ACIN1: variants seen among roughly 807,000 people sequenced by gnomAD.
ACIN1 encodes the protein apoptotic chromatin condensation inducer 1.
Under a neutral mutation model 146.6 loss-of-function variants are expected in ACIN1, and 16 were observed. The observed-to-expected ratio is 0.11, with a 90% CI of 0.07 to 0.17. The LOEUF (loss-of-function observed/expected upper bound fraction) is 0.17, where lower values mean the gene tolerates loss of function less well. ACIN1 is among the 10% of genes least tolerant of loss of function. The pLI, the probability that ACIN1 is intolerant of heterozygous loss-of-function variation, is 1.00. For synonymous variants in ACIN1, 569 were observed against 582.7 expected (o/e 0.98, Z 0.34); for missense variants, 1,357 against 1,609.3 (o/e 0.84, Z 2.68).
At chr14:23,060,721 G>C (rs1395999187) in intron 18 of ACIN1, among the ~76,000 whole-genome samples, 1 of 152,074 alleles carries the variant, frequency 6.6e-6, no homozygotes, top group African/African-American at 2.4e-5. Context: ...ATGTTGGCCA[G>C]ACTGGTCTGC....
At chr14:23,077,098 G>C (rs1177906828) in intron 8 of ACIN1, among the ~76,000 whole-genome samples, 1 of 152,132 alleles carries the variant, frequency 6.6e-6, no homozygotes, top group South Asian at 2.1e-4. Context: ...ATACCCCCAG[G>C]TAAAAGCTAT....
In ACIN1 at chr14:23,061,524, C is replaced by T. The variant is rs140303626; in HGVS notation, c.3198G>A (p.Pro1066=). The T allele has an allele frequency of 1.9e-3, 376 of 193,174 alleles. 2 individuals are homozygous for T. The African/African-American group carries it at 0.035, about 18-fold the overall frequency. 12.0% of individuals were successfully genotyped at this position (193,174 alleles called of 1,614,324 possible). A position where few individuals can be genotyped will look rare whatever the true frequency, so the allele number is the denominator to read the frequency against. The change falls in exon 17 of 19, where the codon CCG becomes CCA. Residue 1066 remains proline (P), a synonymous_variant. Transcript: ENST00000605057. ...PRPLHPPPPP[P]VQPPQHPRAE... ...CCCGGGGGTGCTGTGGTGGCTGGAC[C>T]GGGGGTGGGGGTGGGGGGTGCAGGG...
Position 23,064,479 on chromosome 14 carries a change from T to C in ACIN1, c.2318A>G (p.Lys773Arg), listed in dbSNP as rs759363375. The C allele has an allele frequency of 1.2e-6, 2 of 1,614,180 alleles. No individual in the cohort carries two copies. Among genetic ancestry groups the C allele is most frequent in the Non-Finnish European group, 1.7e-6 (2 of 1,180,006 alleles). Residue 773 changes from lysine (K) to arginine (R), a missense_variant, in exon 11 of 19, where the codon AAG (lysine) becomes AGG (arginine). Transcript: ENST00000605057. ...GTCACTGTTTCCAGCTGGCACCCCC[T>C]TGGTAGCTGCTGTCCCCAAGAAATA... ...KRKISVVSAT[K>R]GVPAGNSDTE...
At chr14:23,065,794 T>C (rs996198088) in intron 10 of ACIN1, among the ~76,000 whole-genome samples, 172 bp downstream of exon 10, 2 of 152,204 alleles carry the variant, frequency 1.3e-5, no homozygotes, top group African/African-American at 4.8e-5. Flanking sequence ...TCTCAAGTTT[T>C]GAATTCCAAA....
chr14:23,059,815 G>T (rs536269343), intron 18 of ACIN1, among the ~76,000 whole-genome samples: 1 of 151,332 alleles, frequency 6.6e-6, no homozygotes, highest in Non-Finnish European at 1.5e-5. Flanking sequence ...GACCACGCCC[G>T]GCTAATTTTT....
At chr14:23,086,626 C>T (rs187532750) in intron 4 of ACIN1, among the ~76,000 whole-genome samples, 4 of 152,212 alleles carry the variant, frequency 2.6e-5, no homozygotes, top group Non-Finnish European at 5.9e-5. Context: ...GCTGGGACTA[C>T]AGGCATGTGC....
upstream of ACIN1, chr14:23,095,553 C>G: frequency 2.1e-6 from 1 of 479,978 alleles, no homozygotes; most frequent in East Asian, 3.5e-5. Context: ...AATTTGGAAG[C>G]TGCCGCAGTA....
chr14:23,067,145 A>T lies in ACIN1; in HGVS notation c.2266-1137T>A, dbSNP rs551905813. On this transcript the variant is annotated intron_variant, in intron 9 of 18. Coordinates refer to ENST00000605057, the MANE Select transcript of ACIN1 (RefSeq NM_001386863.1). The surrounding 1 kb of genome is among the most constrained non-coding windows in gnomAD (Gnocchi z 4.6). ...GTTAGTGAGAAAAACAAAACAAAAA[A>T]AAAGGTCTTAATTAAAACAGGAAAA... Among the ~76,000 whole-genome samples, 1 of 152,086 alleles carries T rather than the reference A, an allele frequency of 6.6e-6. No individual in the cohort carries two copies. The highest frequency in any genetic ancestry group is 2.4e-5 in the African/African-American group (1 of 41,408).
intron 13 of ACIN1, 29 bp downstream of exon 13, chr14:23,063,407 T>C (rs761232298): frequency 5.6e-5 from 90 of 1,606,664 alleles, no homozygotes; most frequent in Non-Finnish European, 6.1e-5. Flanking sequence ...GGGAGCCGCA[T>C]TACATTTCTC....
intron 8 of ACIN1, among the ~76,000 whole-genome samples, chr14:23,070,597 T>C (rs1164997801): frequency 6.6e-6 from 1 of 152,142 alleles, no homozygotes; most frequent in South Asian, 2.1e-4. Flanking sequence ...CTTTGATTTC[T>C]GTCTTCGTCC....
At chr14:23,095,520 G>GCA (rs1407141138), upstream of ACIN1, 1 of 560,178 alleles carries the variant, frequency 1.8e-6, no homozygotes, top group Non-Finnish European at 3.1e-6. Context: ...CTGCCGGGCT[G>GCA]GCCCAGCTTA....
Position 23,061,065 on chromosome 14 carries a change from C to T in ACIN1, c.3525+19G>A, listed in dbSNP as rs749143183. 1.9e-6 allele frequency: 3 copies of T among 1,611,546 alleles called. No individual in the cohort carries two copies. Among genetic ancestry groups the T allele is most frequent in the Admixed American group, 1.7e-5 (1 of 60,014 alleles). ...GCCTCAGTGCCACTAGGGAGCAGGG[C>T]ACGAAGAAGAGCACTCACCTGGCTG... On this transcript the variant is annotated intron_variant, in intron 18 of 18. Coordinates refer to ENST00000605057, the MANE Select transcript of ACIN1 (RefSeq NM_001386863.1).
chr14:23,060,015 T>C (rs1419179139), intron 18 of ACIN1, among the ~76,000 whole-genome samples: 2 of 139,234 alleles, frequency 1.4e-5, no homozygotes, highest in Admixed American at 1.5e-4. Context: ...TGGAGTGCAG[T>C]GGTGCTATCT....
intron 8 of ACIN1, chr14:23,071,164 C>T: frequency 2.6e-6 from 4 of 1,551,386 alleles, no homozygotes; most frequent in Non-Finnish European, 3.5e-6. Context: ...TTTTCTCCCC[C>T]TGGAAGTGCT....
intron 8 of ACIN1, among the ~76,000 whole-genome samples, chr14:23,075,319 TCC>T (rs1201974953): frequency 3.9e-4 from 53 of 136,220 alleles, no homozygotes; most frequent in Admixed American, 3.3e-3. Context: ...TTTTCTTTCT[TCC>T]CCTTTTTTTT....
intron 4 of ACIN1, among the ~76,000 whole-genome samples, chr14:23,083,650 A>G (rs937159678): frequency 6.6e-6 from 1 of 151,974 alleles, no homozygotes; most frequent in Non-Finnish European, 1.5e-5. Flanking sequence ...AATGGCGTGA[A>G]CCTGGGAGGC....
chr14:23,063,533 C>T lies in ACIN1; in HGVS notation c.2640G>A (p.Glu880=). 1.2e-6 allele frequency: 2 copies of T among 1,614,168 alleles called. No individual in the cohort carries two copies. The highest frequency in any genetic ancestry group is 1.7e-6 in the Non-Finnish European group (2 of 1,180,042). Residue 880 remains glutamate (E), a synonymous_variant, in exon 13 of 19, where the codon GAG becomes GAA. Coordinates refer to ENST00000605057, the MANE Select transcript of ACIN1 (RefSeq NM_001386863.1). ...CTGCTTCAGGTTCCTTCTCTTCTTC[C>T]TCTTCTTCCCTCTGCCCATTCTCCT... ...EGQENGQREE[E]EEEKEPEAEP...
rs539696457 is a variant in ACIN1, at chr14:23,073,502, C to A, written c.2124-3885G>T. ...GGAGAAACCCTGTCTCTACTAAAAA[C>A]ACAAAATTGGCTGGGCGTGGTGGTG... On this transcript the variant is annotated intron_variant, in intron 8 of 18. Coordinates refer to ENST00000605057, the MANE Select transcript of ACIN1 (RefSeq NM_001386863.1). Among the ~76,000 whole-genome samples the A allele has an allele frequency of 1.1e-4, 17 of 152,094 alleles. No individual in the cohort carries two copies. The South Asian group carries it at 3.3e-3, about 30-fold the overall frequency.
intron 4 of ACIN1, among the ~76,000 whole-genome samples, chr14:23,085,576 T>C (rs2048070402): frequency 6.6e-6 from 1 of 152,298 alleles, no homozygotes; most frequent in Admixed American, 6.5e-5. Context: ...AACAGGGCTG[T>C]TCAGAAAGTT....
Sources: gnomAD v4.1 joint callset for allele counts (sites outside exome capture counted in the v4.1 genomes callset) on GRCh38, gnomAD v4.1.1 for gene constraint, Gnocchi (gnomAD v3.1) non-coding constraint, MANE v1.5 for transcripts, NCBI Gene and HGNC (gene_info 2026-07-23, HGNC 2026-07-21) for gene names.